The following SEH1L variants were observed in gnomAD, a reference collection of about 807,000 sequenced individuals.
SEH1L encodes the protein nucleoporin SEH1.
SEH1L carries 18 observed loss-of-function variants against 49.5 expected under a neutral mutation model. The observed-to-expected ratio is 0.36, with a 90% CI of 0.25 to 0.54. SEH1L has a LOEUF of 0.54. Ranked by LOEUF, SEH1L falls within the 20% of genes least tolerant of loss-of-function variation. The pLI, the probability that SEH1L is intolerant of heterozygous loss-of-function variation, is 0.87. For missense variants in SEH1L, 404 were observed against 528.8 expected, an observed-to-expected ratio of 0.76 and a Z score of 2.31; for synonymous variants, 169 against 178.1, an observed-to-expected ratio of 0.95 and a Z score of 0.41.
intron 3 of SEH1L, among the ~76,000 whole-genome samples, chr18:12,957,261 C>T (rs1301888402): frequency 1.3e-5 from 2 of 151,580 alleles, no homozygotes; most frequent in Non-Finnish European, 2.9e-5. Context: ...AACTCCCCCT[C>T]TACTAAAAAT....
chr18:12,980,697 AC>A (rs2032191420), intron 6 of SEH1L, among the ~76,000 whole-genome samples: 1 of 72,856 alleles, frequency 1.4e-5, no homozygotes, highest in Admixed American at 1.5e-4. Context: ...CGGGGGGCTG[AC>A]ACCCCCCACT....
chr18:12,958,429 A>G (rs1007997914), intron 3 of SEH1L, among the ~76,000 whole-genome samples: 1 of 152,208 alleles, frequency 6.6e-6, no homozygotes, highest in Non-Finnish European at 1.5e-5. Context: ...AGAATTAATT[A>G]CGTTCACAGT....
intron 3 of SEH1L, among the ~76,000 whole-genome samples, chr18:12,962,831 C>T (rs2031255851): frequency 6.6e-6 from 1 of 151,884 alleles, no homozygotes; most frequent in Non-Finnish European, 1.5e-5. Context: ...AACTTCTTGT[C>T]TGAAAATTCT....
At position 12,986,611 on chromosome 18, in the gene SEH1L, G is replaced by A. The variant is rs569542139; in HGVS notation, c.1071-251G>A. 497 of 1,083,980 alleles carry A rather than the reference G, an allele frequency of 4.6e-4. 2 individuals carry two copies. The highest frequency in any genetic ancestry group is 5.0e-4 in the Non-Finnish European group (439 of 882,144). 67.1% of individuals were successfully genotyped at this position (1,083,980 alleles called of 1,614,324 possible). A position where few individuals can be genotyped will look rare whatever the true frequency, so the allele number is the denominator to read the frequency against. On this transcript the variant is annotated intron_variant, in intron 8 of 8. Coordinates refer to ENST00000399892, the MANE Select transcript of SEH1L (RefSeq NM_001013437.2). ...TTATATATATTTTTTAACATTTTAA[G>A]TTTAACAGATTGTATTCCTTTCAAG...
At chr18:12,967,462 AAC>A (rs1350347816) in intron 4 of SEH1L, among the ~76,000 whole-genome samples, 1 of 152,240 alleles carries the variant, frequency 6.6e-6, no homozygotes, top group East Asian at 1.9e-4. Flanking sequence ...ACTTTTAAAA[AAC>A]ACAAAAATGT....
chr18:12,956,454 CAA>C (rs10541594), intron 3 of SEH1L, among the ~76,000 whole-genome samples: 5,936 of 138,260 alleles, frequency 0.043, 320 homozygotes, highest in African/African-American at 0.13. Context: ...TCTGGGGAAT[CAA>C]AAAAAAAAAA....
chr18:12,951,145 T>G (rs1191216632), intron 1 of SEH1L, among the ~76,000 whole-genome samples: 2 of 152,228 alleles, frequency 1.3e-5, no homozygotes, highest in Non-Finnish European at 2.9e-5. Flanking sequence ...GTGAAAAAGT[T>G]TGAGTCTCAG....
At chr18:12,957,016 C>T (rs938172619) in intron 3 of SEH1L, among the ~76,000 whole-genome samples, 14 of 144,388 alleles carry the variant, frequency 9.7e-5, no homozygotes, top group African/African-American at 3.4e-4. Context: ...TGCAGTGAGC[C>T]GAGATCACGC....
At chr18:12,968,358 T>C (rs1000429450) in intron 4 of SEH1L, among the ~76,000 whole-genome samples, 4 of 152,194 alleles carry the variant, frequency 2.6e-5, no homozygotes, top group Non-Finnish European at 4.4e-5. Flanking sequence ...TTGAGCACGA[T>C]GAACCATTGG....
chr18:12,951,781 G>T, intron 1 of SEH1L, 74 bp from the exon 2 acceptor site: 1 of 869,610 alleles, frequency 1.1e-6, no homozygotes, highest in South Asian at 1.5e-5. Context: ...CTTGTACACT[G>T]ATTCAGTCTT....
At chr18:12,955,009 A>G (rs569237108) in intron 2 of SEH1L, among the ~76,000 whole-genome samples, 1 of 152,254 alleles carries the variant, frequency 6.6e-6, no homozygotes, top group Admixed American at 6.5e-5. Context: ...TTCTGTCTGT[A>G]TGGATTTTGG....
At position 12,955,584 on chromosome 18, in the gene SEH1L, A is replaced by G. The variant is rs2030804174; in HGVS notation, c.284A>G (p.Asp95Gly). The change falls in exon 3 of 9, where the codon GAT becomes GGT. Residue 95 changes from aspartate to glycine, a missense_variant. Physicochemically the swap from Asp to Gly is moderately conservative, Grantham distance 94 (BLOSUM62 -1). Around this residue, in one of 3 missense-constraint regions of SEH1L, gnomAD observed 342 missense variants for 430.8 expected, o/e 0.79. Coordinates refer to ENST00000399892, the MANE Select transcript of SEH1L (RefSeq NM_001013437.2). ...GAAGAAATAGTAGGAGAATCAAATG[A>G]TAAACTGCGAGGACAGAGCCACTGG... The part of the protein sequence containing the change: ...VWEEIVGESN[D>G]KLRGQSHWVK... 3 of 1,614,004 alleles carry G rather than the reference A, an allele frequency of 1.9e-6. No individual in the cohort carries two copies. The highest frequency in any genetic ancestry group is 2.5e-6 in the Non-Finnish European group (3 of 1,180,022).
chr18:12,984,255 A>C (rs560817883), intron 8 of SEH1L, 65 bp downstream of exon 8: 2 of 1,491,710 alleles, frequency 1.3e-6, no homozygotes, highest in Non-Finnish European at 1.9e-6. Flanking sequence ...AGCCATACTT[A>C]AGGTGGATTA....
At chr18:12,970,013 C>T (rs1244149429) in intron 4 of SEH1L, among the ~76,000 whole-genome samples, 2 of 152,158 alleles carry the variant, frequency 1.3e-5, no homozygotes, top group African/African-American at 4.8e-5. Context: ...ATTACTGTAG[C>T]ATTTTGTAGT....
intron 5 of SEH1L, chr18:12,972,846 T>G (rs2031759396): frequency 6.6e-6 from 1 of 152,198 alleles, no homozygotes; most frequent in Non-Finnish European, 1.5e-5. Context: ...GTGTTGGGCT[T>G]GTTAAAGTAA....
rs1403182498 is a variant in SEH1L at position 12,986,849 on chromosome 18, T to C, written c.1071-13T>C. 6.7e-7 allele frequency: 1 copy of C among 1,483,044 alleles called. No homozygotes were observed. The highest frequency in any genetic ancestry group is 1.8e-4 in the Middle Eastern group (1 of 5,544). 91.9% of individuals were successfully genotyped at this position (1,483,044 alleles called of 1,614,324 possible). A position where few individuals can be genotyped will look rare whatever the true frequency, so the allele number is the denominator to read the frequency against. Reference sequence around the variant, plus strand: ...TTTTGTTTGGTGTTTTGTTCCTGTCTTCATTGTTTCAGGTATTTCTTTACC... The same window carrying C: ...TTTTGTTTGGTGTTTTGTTCCTGTCCTCATTGTTTCAGGTATTTCTTTACC... On this transcript the variant is annotated splice_polypyrimidine_tract_variant and intron_variant, in intron 8 of 8. Coordinates refer to ENST00000399892, the MANE Select transcript of SEH1L (RefSeq NM_001013437.2).
intron 1 of SEH1L, among the ~76,000 whole-genome samples, chr18:12,950,402 A>G (rs542363243): frequency 6.6e-6 from 1 of 152,150 alleles, no homozygotes; most frequent in East Asian, 1.9e-4. Context: ...ATTTGTATAT[A>G]TTTTTAATTG....
At chr18:12,950,825 A>AT (rs1207138800) in intron 1 of SEH1L, among the ~76,000 whole-genome samples, 2 of 151,982 alleles carry the variant, frequency 1.3e-5, no homozygotes, top group South Asian at 4.2e-4. Flanking sequence ...ATAAGGTTTA[A>AT]TTTTTTTGTT....
intron 7 of SEH1L, among the ~76,000 whole-genome samples, chr18:12,983,595 G>C (rs2032356217): frequency 6.6e-6 from 1 of 152,130 alleles, no homozygotes; most frequent in African/African-American, 2.4e-5. Flanking sequence ...AGCTCCAAAG[G>C]TTTTGTTACC....
Sources: gnomAD v4.1 joint callset for allele counts (sites outside exome capture counted in the v4.1 genomes callset) on GRCh38, gnomAD v4.1.1 for gene constraint, gnomAD v4.1.1 regional missense constraint, MANE v1.5 for transcripts, NCBI Gene and HGNC (gene_info 2026-07-23, HGNC 2026-07-21) for gene names.